The following FOXH1 variants were observed in gnomAD, a reference collection of about 807,000 sequenced individuals.
FOXH1 encodes forkhead box H1, also known as forkhead box protein H1.
A neutral mutation model predicts 14.2 loss-of-function variants in FOXH1; 10 were observed. The ratio of observed to expected loss-of-function variants is 0.70; its 90% CI spans 0.43 to 1.19. The LOEUF is 1.19. Among genes scored for constraint, FOXH1 ranks in the 50% most tolerant of loss-of-function variants. FOXH1 has a pLI of 0.00. For missense variants in FOXH1, 643 were observed against 492.1 expected (o/e 1.31, Z -2.90); for synonymous variants, 273 against 209.5 (o/e 1.30, Z -2.62).
Position 144,474,911 on chromosome 8 carries a change from T to C in FOXH1, c.425A>G (p.Lys142Arg), listed in dbSNP as rs1392805068. ...GTGCAGCACGTAGGGGCCCAGGTCC[T>C]TGGCGAAGGCTCCACGCGCACCTCC... ...QNGGARGAFA[K>R]DLGPYVLHGR... Residue 142 changes from lysine to arginine, a missense_variant, in exon 3 of 3, where the codon AAG (lysine) becomes AGG (arginine). Lys to Arg is a conservative substitution (Grantham distance 26, BLOSUM62 2). Transcript: ENST00000377317. 9.3e-6 allele frequency: 15 copies of C among 1,609,564 alleles called. No individual in the cohort carries two copies. The highest frequency in any genetic ancestry group is 1.3e-5 in the Non-Finnish European group (15 of 1,179,512).
chr8:144,475,211 C>G lies in FOXH1; in HGVS notation c.225G>C (p.Glu75Asp), dbSNP rs774260909. ...AVFPFFREDY[E>D]GWKDSIRHNL... is the part of the protein sequence containing the mutation. Reference sequence around the variant, plus strand: ...TGTGGCGAATGGAGTCTTTCCAGCCCTCGTAGTCTTCCCTGAAGAAGGGGA... The same window carrying G: ...TGTGGCGAATGGAGTCTTTCCAGCCGTCGTAGTCTTCCCTGAAGAAGGGGA... Residue 75 changes from glutamate (E) to aspartate (D), a missense_variant, in exon 2 of 3, where the codon GAG becomes GAC. Coordinates refer to ENST00000377317, the MANE Select transcript of FOXH1 (RefSeq NM_003923.3). The G allele has an allele frequency of 6.2e-7, 1 of 1,613,638 alleles. No homozygotes were observed. Among genetic ancestry groups the G allele is most frequent in the Non-Finnish European group, 8.5e-7 (1 of 1,179,898 alleles).
rs779792833 is a variant in FOXH1, at chr8:144,474,751, G to T, written c.585C>A (p.Gly195=). The change falls in exon 3 of 3, where the codon GGC becomes GGA. Residue 195 remains glycine, a synonymous_variant. Coordinates refer to ENST00000377317, the MANE Select transcript of FOXH1 (RefSeq NM_003923.3). ...LAPQSSPVPA[G]TGNSGEEAVP... is the part of the protein sequence containing the mutation. The stretch of plus-strand genomic sequence containing the variant: ...CCGCCTCCTCCCCACTGTTCCCTGT[G>T]CCTGCAGGAACTGGGCTGCTCTGTG... The T allele has an allele frequency of 3.8e-6, 6 of 1,572,742 alleles. No individual in the cohort carries two copies. Among genetic ancestry groups the T allele is most frequent in the African/African-American group, 1.4e-5 (1 of 74,006 alleles).
At position 144,473,579 on chromosome 8, in the gene FOXH1, C is replaced by A; in HGVS notation, c.*659G>T. ...AGTGTGTTGTGCCTGCTGAAGTGAT[C>A]ACCCCCCGCCCCCAGCCCTGCATCA... On this transcript the variant is annotated 3_prime_UTR_variant, in exon 3 of 3. Coordinates refer to ENST00000377317, the MANE Select transcript of FOXH1 (RefSeq NM_003923.3). The A allele has an allele frequency of 1.2e-6, 1 of 823,854 alleles. No individual in the cohort carries two copies. The highest frequency in any genetic ancestry group is 1.8e-6 in the Non-Finnish European group (1 of 562,608). The allele number at this position is 823,854 out of a possible 1,614,324, so 51.0% of individuals were successfully genotyped here.
chr8:144,473,587 G>GC lies in FOXH1; in HGVS notation c.*650dup. ...GTGCCTGCTGAAGTGATCACCCCCC[G>GC]CCCCCAGCCCTGCATCAGGCCACAG... On this transcript the variant is annotated 3_prime_UTR_variant, in exon 3 of 3. Coordinates refer to ENST00000377317, the MANE Select transcript of FOXH1 (RefSeq NM_003923.3). The GC allele has an allele frequency of 1.4e-6, 1 of 699,324 alleles. No homozygotes were observed. The highest frequency in any genetic ancestry group is 2.1e-6 in the Non-Finnish European group (1 of 478,470). 43.3% of individuals were successfully genotyped at this position (699,324 alleles called of 1,614,324 possible).
At position 144,474,618 on chromosome 8, in the gene FOXH1, G is replaced by A. The variant is rs1236546436; in HGVS notation, c.718C>T (p.Pro240Ser). The change falls in exon 3 of 3, where the codon CCC (proline) becomes TCC (serine). Residue 240 changes from proline to serine, a missense_variant. Transcript: ENST00000377317. ...GETVQGGAIG[P>S]STLSPEPRAW... ...CTAGGCTCTGGGGAGAGGGTTGAGG[G>A]CCCGATGGCTCCCCCCTGCACAGTC... 6.3e-7 allele frequency: 1 copy of A among 1,594,882 alleles called. No individual in the cohort carries two copies.
rs758152098 is a variant in FOXH1 at position 144,474,866 on chromosome 8, G to C, written c.470C>G (p.Pro157Arg). The C allele has an allele frequency of 8.1e-6, 13 of 1,611,488 alleles. No individual in the cohort carries two copies. The African/African-American group carries it at 1.3e-4, about 17-fold the overall frequency. ...CTCACTGGGTGGTGGCGGGGGACTG[G>C]GCGGCCGGTATGGCCGGCCGTGCAG... The part of the protein sequence containing the change: ...YVLHGRPYRP[P>R]SPPPPPSEGF... The change falls in exon 3 of 3, where the codon CCC (proline) becomes CGC (arginine). Residue 157 changes from proline (P) to arginine (R), a missense_variant. Transcript: ENST00000377317.
In FOXH1 at chr8:144,474,584, G is replaced by C. The variant is rs1186168683; in HGVS notation, c.752C>G (p.Pro251Arg). The change falls in exon 3 of 3, where the codon CCT becomes CGT. Residue 251 changes from proline to arginine, a missense_variant. Pro to Arg is a moderately radical substitution (Grantham distance 103). Transcript: ENST00000377317. ...STLSPEPRAWPLHLLQGTAVP... is the reference protein window; with the variant it reads ...STLSPEPRAWRLHLLQGTAVP... The stretch of plus-strand genomic sequence containing the variant: ...TGCGGTGCCCTGCAGTAAGTGGAGA[G>C]GCCAGGCCCTAGGCTCTGGGGAGAG... 2 of 1,609,662 alleles carry C rather than the reference G, an allele frequency of 1.2e-6. No individual in the cohort carries two copies. The highest frequency in any genetic ancestry group is 1.7e-5 in the Admixed American group (1 of 59,786).
chr8:144,475,481 T>C lies in FOXH1; in HGVS notation c.174+102A>G, dbSNP rs1347844949. ...GCTCTCAGGACTGGTCCCACTGGCA[T>C]ACCTGGGTGGGCTAGGAAGGGGTGG... On this transcript the variant is annotated intron_variant, in intron 1 of 2. Coordinates refer to ENST00000377317, the MANE Select transcript of FOXH1 (RefSeq NM_003923.3). 5 of 978,838 alleles carry C rather than the reference T, an allele frequency of 5.1e-6. No homozygotes were observed. In the East Asian group the frequency reaches 1.1e-4, roughly 21 times the overall value. The allele number at this position is 978,838 out of a possible 1,614,324, so 60.6% of individuals were successfully genotyped here.
chr8:144,475,125 C>T (rs1023978133), intron 2 of FOXH1, 32 bp downstream of exon 2: 1 of 1,609,130 alleles, frequency 6.2e-7, no homozygotes, highest in Non-Finnish European at 8.5e-7. Context: ...GCGCGCGCTC[C>T]GCCCCCGGGC....
rs755573914 is a variant in FOXH1, at chr8:144,475,170, C to T, written c.266G>A (p.Arg89Gln). 5.0e-5 allele frequency: 81 copies of T among 1,613,318 alleles called. No individual in the cohort carries two copies. In the East Asian group the frequency reaches 1.5e-3, roughly 30 times the overall value. The change falls in exon 2 of 3, where the codon CGA (arginine) becomes CAA (glutamine). Residue 89 changes from arginine to glutamine, a missense_variant. Coordinates refer to ENST00000377317, the MANE Select transcript of FOXH1 (RefSeq NM_003923.3). ...DSIRHNLSSN[R>Q]CFRKVPKDPA... Reference sequence around the variant, plus strand: ...GGCCTGCCCCACCTTGCGGAAGCATCGGTTGGAGGAAAGGTTGTGGCGAAT... The same window carrying T: ...GGCCTGCCCCACCTTGCGGAAGCATTGGTTGGAGGAAAGGTTGTGGCGAAT...
In FOXH1 at chr8:144,474,485, A is replaced by C. The variant is rs1564751727; in HGVS notation, c.851T>G (p.Ile284Ser). The change falls in exon 3 of 3, where the codon ATC (isoleucine) becomes AGC (serine). Residue 284 changes from isoleucine (I) to serine (S), a missense_variant. By Grantham distance (142) the Ile-to-Ser change is moderately radical. Transcript: ENST00000377317. ...GGGCATTACCACATTGGGAGTGTAG[A>C]TAGGCAAGTAGGAGGTGGGCAGCTG... ...WGQLPTSYLP[I>S]YTPNVVMPLA... The C allele has an allele frequency of 6.2e-7, 1 of 1,611,972 alleles. No individual in the cohort carries two copies. The highest frequency in any genetic ancestry group is 8.5e-7 in the Non-Finnish European group (1 of 1,179,972).
At position 144,474,555 on chromosome 8, in the gene FOXH1, G is replaced by T. The variant is rs1825079756; in HGVS notation, c.781C>A (p.Pro261Thr). The T allele has an allele frequency of 1.9e-6, 3 of 1,610,750 alleles. No individual in the cohort carries two copies. The African/African-American group carries it at 4.0e-5, about 22-fold the overall frequency. Residue 261 changes from proline to threonine, a missense_variant, in exon 3 of 3, where the codon CCT becomes ACT. Physicochemically the swap from Pro to Thr is conservative, Grantham distance 38 (BLOSUM62 -1). Coordinates refer to ENST00000377317, the MANE Select transcript of FOXH1 (RefSeq NM_003923.3). ...TGTCCCCCGCTGGACCGTCCCCCAG[G>T]AACTGCGGTGCCCTGCAGTAAGTGG... ...PLHLLQGTAV[P>T]GGRSSGGHRA...
Position 144,475,821 on chromosome 8 carries a change from G to A in FOXH1, c.-65C>T, listed in dbSNP as rs745987774. 5.3e-6 allele frequency: 6 copies of A among 1,139,676 alleles called. No homozygotes were observed. Among genetic ancestry groups the A allele is most frequent in the Non-Finnish European group, 6.7e-6 (6 of 894,374 alleles). The allele number at this position is 1,139,676 out of a possible 1,614,324, so 70.6% of individuals were successfully genotyped here. A position where few individuals can be genotyped will look rare whatever the true frequency, so the allele number is the denominator to read the frequency against. On this transcript the variant is annotated 5_prime_UTR_variant, in exon 1 of 3. Coordinates refer to ENST00000377317, the MANE Select transcript of FOXH1 (RefSeq NM_003923.3). The stretch of plus-strand genomic sequence containing the variant: ...GGAGGGTGCAGGGCGGTGGGGCAGT[G>A]TAGAAGGCAGGGCCGGGACCTGAGG...
At position 144,474,356 on chromosome 8, in the gene FOXH1, A is replaced by G. The variant is rs1237185569; in HGVS notation, c.980T>C (p.Leu327Pro). 8.7e-6 allele frequency: 14 copies of G among 1,612,948 alleles called. No homozygotes were observed. Among genetic ancestry groups the G allele is most frequent in the Non-Finnish European group, 1.2e-5 (14 of 1,179,982 alleles). ...TRGPPGLLCD[L>P]DALFQGVPPN... is the part of the protein sequence containing the mutation. Reference sequence around the variant, plus strand: ...TGGCACCCCTTGGAAGAGGGCGTCTAGATCGCAGAGCAGCCCTGGGGGCCC... The same window carrying G: ...TGGCACCCCTTGGAAGAGGGCGTCTGGATCGCAGAGCAGCCCTGGGGGCCC... Residue 327 changes from leucine to proline, a missense_variant, in exon 3 of 3, where the codon CTA (leucine) becomes CCA (proline). Coordinates refer to ENST00000377317, the MANE Select transcript of FOXH1 (RefSeq NM_003923.3).
Position 144,473,954 on chromosome 8 carries a change from G to T in FOXH1, c.*284C>A. 2.0e-6 allele frequency: 1 copy of T among 501,660 alleles called. No homozygotes were observed. Among genetic ancestry groups the T allele is most frequent in the Non-Finnish European group, 3.5e-6 (1 of 283,092 alleles). 31.1% of individuals were successfully genotyped at this position (501,660 alleles called of 1,614,324 possible). A position where few individuals can be genotyped will look rare whatever the true frequency, so the allele number is the denominator to read the frequency against. On this transcript the variant is annotated 3_prime_UTR_variant, in exon 3 of 3. Coordinates refer to ENST00000377317, the MANE Select transcript of FOXH1 (RefSeq NM_003923.3). ...CTGGTGACTGATGGATGGGTAGTGG[G>T]CTGAGAAGAGGGGACTAGGAAGGGC...
In FOXH1 at chr8:144,474,480, T is replaced by C. The variant is rs949126117; in HGVS notation, c.856A>G (p.Thr286Ala). ...QLPTSYLPIY[T>A]PNVVMPLAPP... The stretch of plus-strand genomic sequence containing the variant: ...GCCAAGGGCATTACCACATTGGGAG[T>C]GTAGATAGGCAAGTAGGAGGTGGGC... The change falls in exon 3 of 3, where the codon ACT (threonine) becomes GCT (alanine). Residue 286 changes from threonine (T) to alanine (A), a missense_variant. Transcript: ENST00000377317. 9 of 1,611,412 alleles carry C rather than the reference T, an allele frequency of 5.6e-6. No individual in the cohort carries two copies. The African/African-American group carries it at 1.1e-4, about 19-fold the overall frequency.
chr8:144,475,335 T>C, intron 1 of FOXH1, 74 bp from the exon 2 acceptor site: 2 of 1,289,580 alleles, frequency 1.6e-6, no homozygotes, highest in Non-Finnish European at 2.2e-6. Context: ...CCTCCCCCAC[T>C]ACCGGGCTCA....
chr8:144,474,542 G>A lies in FOXH1; in HGVS notation c.794C>T (p.Ser265Phe). The A allele has an allele frequency of 1.2e-6, 2 of 1,611,014 alleles. No individual in the cohort carries two copies. The highest frequency in any genetic ancestry group is 1.7e-6 in the Non-Finnish European group (2 of 1,179,922). ...GAGGGAGGCCCTGTGTCCCCCGCTG[G>A]ACCGTCCCCCAGGAACTGCGGTGCC... The part of the protein sequence containing the change: ...LQGTAVPGGR[S>F]SGGHRASLWG... The change falls in exon 3 of 3, where the codon TCC (serine) becomes TTC (phenylalanine). Residue 265 changes from serine to phenylalanine, a missense_variant. Coordinates refer to ENST00000377317, the MANE Select transcript of FOXH1 (RefSeq NM_003923.3).
Position 144,475,024 on chromosome 8 carries a change from C to T in FOXH1, c.312G>A (p.Lys104=). ...TCACGTCGACCGCCCAGAAGTTGCC[C>T]TTGGCCTGGGGCTTTGCAGGGTCCT... ...VPKDPAKPQA[K]GNFWAVDVSL... is the part of the protein sequence containing the mutation. Residue 104 remains lysine, a synonymous_variant, in exon 3 of 3, where the codon AAG becomes AAA. Coordinates refer to ENST00000377317, the MANE Select transcript of FOXH1 (RefSeq NM_003923.3). The T allele has an allele frequency of 2.5e-6, 4 of 1,604,198 alleles. No individual in the cohort carries two copies. The highest frequency in any genetic ancestry group is 3.4e-6 in the Non-Finnish European group (4 of 1,176,024).
Sources: allele counts gnomAD v4.1 joint callset, GRCh38; gene constraint gnomAD v4.1.1; transcripts MANE v1.5; gene names NCBI Gene and HGNC (gene_info 2026-07-23, HGNC 2026-07-21).